Variants in ATP8B4 observed in about 807,000 individuals in gnomAD.
The protein encoded by ATP8B4 is ATPase phospholipid transporting 8B4 (putative).
A neutral mutation model predicts 145.6 loss-of-function variants in ATP8B4; 133 were observed. That is an observed-to-expected ratio of 0.91 (90% confidence interval 0.79 to 1.05). The LOEUF (loss-of-function observed/expected upper bound fraction) is 1.05, where lower values mean the gene tolerates loss of function less well. Ranked by LOEUF, ATP8B4 falls within the 50% of genes least tolerant of loss-of-function variation. The pLI is 0.00. For synonymous variants in ATP8B4, 507 were observed against 492.9 expected, an observed-to-expected ratio of 1.03 and a Z score of -0.38; for missense variants, 1,458 against 1,425.2, an observed-to-expected ratio of 1.02 and a Z score of -0.37.
intron 3 of ATP8B4, among the ~76,000 whole-genome samples, chr15:50,053,551 T>C (rs967191120): frequency 3.0e-4 from 46 of 152,236 alleles, no homozygotes; most frequent in Non-Finnish European, 6.0e-4. Context: ...GATGTATGCT[T>C]ACAGTTTCCT....
At chr15:50,002,126 C>T (rs1272288295) in intron 8 of ATP8B4, 27 bp downstream of exon 8, 3 of 1,559,376 alleles carry the variant, frequency 1.9e-6, no homozygotes, top group Non-Finnish European at 1.8e-6. Context: ...AAAAACCAAC[C>T]AAATTATTCT....
chr15:50,085,767 C>T (rs1023681545), intron 2 of ATP8B4, among the ~76,000 whole-genome samples: 5 of 146,554 alleles, frequency 3.4e-5, no homozygotes, highest in African/African-American at 1.3e-4. Context: ...TATGTATATG[C>T]ATATGTATGT....
intron 8 of ATP8B4, among the ~76,000 whole-genome samples, chr15:49,997,205 G>C (rs1599707363): frequency 6.6e-6 from 1 of 152,080 alleles, no homozygotes; most frequent in Non-Finnish European, 1.5e-5. Context: ...ATTTAAATGG[G>C]AAAGGGAATA....
chr15:50,149,774 G>A (rs1290590619), intron 1 of ATP8B4, among the ~76,000 whole-genome samples: 3 of 152,160 alleles, frequency 2.0e-5, no homozygotes, highest in Non-Finnish European at 4.4e-5. Flanking sequence ...GGCAGTAAAG[G>A]AAGACAAAGG....
chr15:49,949,530 C>T (rs747007814), intron 14 of ATP8B4, among the ~76,000 whole-genome samples: 36 of 152,164 alleles, frequency 2.4e-4, no homozygotes, highest in Non-Finnish European at 2.4e-4. Context: ...TATCCTGAGA[C>T]TTTGCTGAAG....
intron 24 of ATP8B4, 128 bp from the exon 25 acceptor site, chr15:49,876,651 AACAGG>A: frequency 4.0e-6 from 5 of 1,250,254 alleles, no homozygotes; most frequent in Non-Finnish European, 5.7e-6. Flanking sequence ...ACTGGGCCAG[AACAGG>A]ACATTATCTT....
intron 2 of ATP8B4, among the ~76,000 whole-genome samples, chr15:50,087,333 A>G (rs2055267319): frequency 3.5e-5 from 1 of 28,448 alleles, no homozygotes; most frequent in Non-Finnish European, 5.1e-5. Context: ...ATCTATATTT[A>G]TATATAATAT....
chr15:50,140,978 A>G (rs554171385), intron 1 of ATP8B4, among the ~76,000 whole-genome samples: 1 of 152,264 alleles, frequency 6.6e-6, no homozygotes, highest in East Asian at 1.9e-4. Context: ...TGAAAGAGAA[A>G]AATCCACTAG....
At chr15:49,860,504 G>C in intron 27 of ATP8B4, 29 bp from the exon 28 acceptor site, 1 of 1,568,124 alleles carries the variant, frequency 6.4e-7, no homozygotes, top group Non-Finnish European at 8.6e-7. Context: ...AAAGTGAGAT[G>C]ATGCATCCAA....
chr15:49,938,314 A>G lies in ATP8B4; in HGVS notation c.1288-4132T>C, dbSNP rs1337477943. Among the ~76,000 whole-genome samples the G allele has an allele frequency of 6.6e-5, 10 of 152,290 alleles. No individual in the cohort carries two copies. The South Asian group carries it at 1.0e-3, about 16-fold the overall frequency. On this transcript the variant is annotated intron_variant, in intron 14 of 27. Transcript: ENST00000284509. The stretch of plus-strand genomic sequence containing the variant: ...TTAACTTTGAATGCAAATGGTCTAC[A>G]TGCCCCACTTAAAAGGCACACAGAG...
In ATP8B4 at chr15:49,923,453, C is replaced by T. The variant is rs1413559948; in HGVS notation, c.1684G>A (p.Ala562Thr). 5.6e-6 allele frequency: 9 copies of T among 1,612,494 alleles called. No individual in the cohort carries two copies. The highest frequency in any genetic ancestry group is 1.3e-5 in the African/African-American group (1 of 74,730). ...EGQIKLYSKG[A>T]DTILFEKLHP... ...AGTTTTTCAAACAGAATAGTATCTG[C>T]TCCTTTGGAATAAAGCTTTATCTGT... Residue 562 changes from alanine (A) to threonine (T), a missense_variant, in exon 17 of 28, where the codon GCA becomes ACA. Ala to Thr is a moderately conservative substitution (Grantham distance 58, BLOSUM62 0). Transcript: ENST00000284509.
intron 6 of ATP8B4, among the ~76,000 whole-genome samples, chr15:50,018,279 A>G (rs1277514219): frequency 6.6e-6 from 1 of 152,096 alleles, no homozygotes; most frequent in African/African-American, 2.4e-5. Flanking sequence ...TGAGCCACCA[A>G]GCTTGGCCCT....
chr15:50,029,134 G>A (rs1294289992), intron 6 of ATP8B4, among the ~76,000 whole-genome samples: 1 of 148,472 alleles, frequency 6.7e-6, no homozygotes, highest in East Asian at 2.0e-4. Flanking sequence ...TCGGGAGGCC[G>A]AGGCAAGAGA....
chr15:49,927,616 T>A (rs1443344305), intron 16 of ATP8B4, among the ~76,000 whole-genome samples: 1 of 152,134 alleles, frequency 6.6e-6, no homozygotes, highest in Non-Finnish European at 1.5e-5. Context: ...GTGGTTAGGC[T>A]GCAATTTCTC....
upstream of ATP8B4, among the ~76,000 whole-genome samples, chr15:50,122,829 GAA>G (rs2057281997): frequency 6.6e-6 from 1 of 152,168 alleles, no homozygotes; most frequent in African/African-American, 2.4e-5. Flanking sequence ...GAGAATTGCT[GAA>G]GTGTAAATCA....
chr15:49,871,859 G>T (rs2033712576), intron 25 of ATP8B4, among the ~76,000 whole-genome samples: 1 of 152,096 alleles, frequency 6.6e-6, no homozygotes, highest in Non-Finnish European at 1.5e-5. Context: ...GCTGTTTTAG[G>T]CCCTCAAGCA....
chr15:49,996,577 C>T (rs1323980471), intron 9 of ATP8B4, 100 bp downstream of exon 9: 2 of 961,522 alleles, frequency 2.1e-6, no homozygotes, highest in African/African-American at 3.2e-5. Flanking sequence ...TGATGTCCTT[C>T]CACCAAATAA....
chr15:50,050,118 C>A (rs893054449), intron 3 of ATP8B4, among the ~76,000 whole-genome samples: 2 of 152,194 alleles, frequency 1.3e-5, no homozygotes, highest in Non-Finnish European at 2.9e-5. Flanking sequence ...AACCTTTCAA[C>A]CATTCTCTAT....
chr15:49,978,748 AC>A (rs1363339092), intron 12 of ATP8B4, among the ~76,000 whole-genome samples: 7 of 124,594 alleles, frequency 5.6e-5, no homozygotes, highest in African/African-American at 2.2e-4. Flanking sequence ...ATACACACAC[AC>A]ACACACACAC....
Sources: gnomAD v4.1 joint callset for allele counts (sites outside exome capture counted in the v4.1 genomes callset) on GRCh38, gnomAD v4.1.1 for gene constraint, MANE v1.5 for transcripts, NCBI Gene and HGNC (gene_info 2026-07-23, HGNC 2026-07-21) for gene names.